The following PPFIBP2 variants were observed in gnomAD, a reference collection of about 807,000 sequenced individuals.
The protein encoded by PPFIBP2 is PPFIB scaffold protein 2.
PPFIBP2 carries 118 observed loss-of-function variants against 118.3 expected under a neutral mutation model. The ratio of observed to expected loss-of-function variants is 1.00; its 90% CI spans 0.86 to 1.16. The LOEUF is 1.16. PPFIBP2 is among the 50% of genes most tolerant of loss of function. The pLI is 0.00. For synonymous variants in PPFIBP2, 414 were observed against 397.4 expected, an observed-to-expected ratio of 1.04 and a Z score of -0.50; for missense variants, 1,195 against 1,073.1, an observed-to-expected ratio of 1.11 and a Z score of -1.59.
chr11:7,641,022 G>C (rs1165590022), intron 15 of PPFIBP2: 6 of 1,277,884 alleles, frequency 4.7e-6, no homozygotes, highest in Non-Finnish European at 6.1e-6. Flanking sequence ...CTGCTTCTTG[G>C]TTCACTGGAG....
intron 5 of PPFIBP2, among the ~76,000 whole-genome samples, chr11:7,606,403 A>T (rs1406240287): frequency 6.6e-6 from 1 of 152,164 alleles, no homozygotes; most frequent in Non-Finnish European, 1.5e-5. Context: ...GGAGATGGGG[A>T]AGTAGAGCTG....
intron 3 of PPFIBP2, chr11:7,568,836 C>T (rs568322147): frequency 6.6e-6 from 1 of 152,234 alleles, no homozygotes; most frequent in Non-Finnish European, 1.5e-5. Flanking sequence ...TCCTCCAGAT[C>T]AATGAAGAAG....
At chr11:7,524,568 A>T (rs1481481005) in intron 1 of PPFIBP2, among the ~76,000 whole-genome samples, 2 of 152,254 alleles carry the variant, frequency 1.3e-5, no homozygotes, top group Non-Finnish European at 2.9e-5. Flanking sequence ...TGAAGGTTCC[A>T]GAGTATTAGA....
intron 2 of PPFIBP2, among the ~76,000 whole-genome samples, chr11:7,554,403 T>C (rs1853344354): frequency 6.6e-6 from 1 of 152,226 alleles, no homozygotes; most frequent in Admixed American, 6.5e-5. Flanking sequence ...GCTGGGTTAC[T>C]GTTTACTTTC....
chr11:7,549,586 C>T, intron 2 of PPFIBP2, 47 bp downstream of exon 2: 2 of 1,449,220 alleles, frequency 1.4e-6, no homozygotes, highest in East Asian at 2.6e-5. Context: ...CTCCACATTC[C>T]AGGAACTGCT....
intron 1 of PPFIBP2, among the ~76,000 whole-genome samples, chr11:7,524,755 T>C (rs924170821): frequency 1.5e-5 from 2 of 132,020 alleles, no homozygotes. Flanking sequence ...AGGGAAGGGG[T>C]GGGGTGGGAG....
chr11:7,534,477 C>T (rs555505415), intron 1 of PPFIBP2, among the ~76,000 whole-genome samples: 2 of 152,246 alleles, frequency 1.3e-5, no homozygotes, highest in African/African-American at 4.8e-5. Context: ...AATTTCACGT[C>T]CATTTGTTCC....
At chr11:7,625,522 T>C (rs1849877974) in intron 7 of PPFIBP2, among the ~76,000 whole-genome samples, 1 of 152,136 alleles carries the variant, frequency 6.6e-6, no homozygotes. Context: ...GAGAAACTGG[T>C]CAGGTAGGAA....
At chr11:7,647,195 G>A (rs1270178680) in intron 17 of PPFIBP2, among the ~76,000 whole-genome samples, 2 of 152,174 alleles carry the variant, frequency 1.3e-5, no homozygotes, top group Non-Finnish European at 1.5e-5. Context: ...ATATGTTAGG[G>A]GTACTTTGAA....
At chr11:7,662,285 C>A in the PPFIBP2 span, among the ~76,000 whole-genome samples, 15 of 152,168 alleles carry the variant, frequency 9.9e-5, no homozygotes, top group African/African-American at 3.6e-4. Context: ...GCGACTGGTA[C>A]CGGTTGTTCC....
Position 7,650,944 on chromosome 11 carries a change from T to C in PPFIBP2, c.2226T>C (p.Ser742=). ...LAEYAPNLRG[S]GVHGGLIILE... ...AGTATGCACCCAATCTTCGAGGGAG[T>C]GGAGTCCATGGAGGCCTCATTGTGA... is the stretch of plus-strand genomic sequence containing the variant. Residue 742 remains serine (S), a synonymous_variant, in exon 22 of 24, where the codon AGT becomes AGC. Transcript: ENST00000299492. The C allele has an allele frequency of 6.2e-7, 1 of 1,613,220 alleles. No homozygotes were observed. The highest frequency in any genetic ancestry group is 8.5e-7 in the Non-Finnish European group (1 of 1,179,558).
intron 1 of PPFIBP2, among the ~76,000 whole-genome samples, chr11:7,528,950 G>GCTTC (rs1437899449): frequency 6.6e-6 from 1 of 152,146 alleles, no homozygotes; most frequent in Non-Finnish European, 1.5e-5. Context: ...TCTAGCCCTG[G>GCTTC]TGGCCACGCC....
chr11:7,610,045 C>T (rs374031434), intron 5 of PPFIBP2, among the ~76,000 whole-genome samples: 7 of 152,308 alleles, frequency 4.6e-5, no homozygotes, highest in Non-Finnish European at 1.0e-4. Context: ...TGGGCAAACA[C>T]ATTTGAGAAA....
rs527463169 is a variant in PPFIBP2 at position 7,651,669 on chromosome 11, G to A, written c.2261G>A (p.Arg754His). ...VHGGLIILEP[R>H]FTGDTLAMLL... ...GTTCCTTCTTAGATCCTGGAGCCAC[G>A]CTTCACTGGGGACACCCTGGCTATG... The change falls in exon 23 of 24, where the codon CGC becomes CAC. Residue 754 changes from arginine (R) to histidine (H), a missense_variant. Transcript: ENST00000299492. 5.0e-6 allele frequency: 8 copies of A among 1,606,776 alleles called. No homozygotes were observed. The highest frequency in any genetic ancestry group is 4.0e-5 in the African/African-American group (3 of 74,894).
chr11:7,526,809 A>G (rs1421461137), intron 1 of PPFIBP2, among the ~76,000 whole-genome samples: 1 of 152,134 alleles, frequency 6.6e-6, no homozygotes, highest in African/African-American at 2.4e-5. Context: ...GAGAGGGGAA[A>G]GGCTCTGAGC....
intron 7 of PPFIBP2, 43 bp from the exon 8 acceptor site, chr11:7,625,734 G>A: frequency 1.3e-6 from 2 of 1,524,588 alleles, no homozygotes; most frequent in Non-Finnish European, 1.8e-6. Context: ...TCATGATTTG[G>A]CAGTCCTTCT....
chr11:7,626,015 A>G, intron 8 of PPFIBP2, 124 bp downstream of exon 8: 2 of 784,776 alleles, frequency 2.5e-6, no homozygotes, highest in South Asian at 1.7e-5. Context: ...GCTAATGGAC[A>G]TGCATGTATG....
intron 1 of PPFIBP2, among the ~76,000 whole-genome samples, chr11:7,533,419 C>G (rs576928488): frequency 6.6e-6 from 1 of 152,342 alleles, no homozygotes; most frequent in Non-Finnish European, 1.5e-5. Context: ...ACTGAAGGTC[C>G]TGTGCCAGGT....
At chr11:7,611,364 A>G (rs2135499062) in intron 6 of PPFIBP2, among the ~76,000 whole-genome samples, 1 of 152,164 alleles carries the variant, frequency 6.6e-6, no homozygotes, top group East Asian at 1.9e-4. Flanking sequence ...TAGGCTAAAG[A>G]TGGATATTGT....
Sources: allele counts gnomAD v4.1 joint callset (sites outside exome capture counted in the v4.1 genomes callset), GRCh38; gene constraint gnomAD v4.1.1; transcripts MANE v1.5; gene names NCBI Gene and HGNC (gene_info 2026-07-23, HGNC 2026-07-21).